Variants in TTC12 observed in about 807,000 individuals in gnomAD.
The protein encoded by TTC12 is tetratricopeptide repeat protein 12.
Under a neutral mutation model 90.1 loss-of-function variants are expected in TTC12, and 70 were observed. The observed-to-expected ratio is 0.78, with a 90% CI of 0.64 to 0.95. TTC12 has a LOEUF of 0.95. Among genes scored for constraint, TTC12 ranks in the 40% least tolerant of loss-of-function variants. The probability of loss-of-function intolerance (pLI) is 0.00; values close to 1 mark genes in which losing one functional copy is unlikely to be tolerated. For missense variants in TTC12, 819 were observed against 846.1 expected (o/e 0.97, Z 0.40); for synonymous variants, 296 against 311.5 (o/e 0.95, Z 0.53).
chr11:113,370,865 C>T (rs1286243462), downstream of TTC12, among the ~76,000 whole-genome samples: 1 of 152,210 alleles, frequency 6.6e-6, no homozygotes, highest in Non-Finnish European at 1.5e-5. Context: ...TCCATTGTCA[C>T]ATCTGTCCCC....
chr11:113,361,721 C>G (rs577883600), intron 18 of TTC12, among the ~76,000 whole-genome samples: 1 of 152,148 alleles, frequency 6.6e-6, no homozygotes, highest in African/African-American at 2.4e-5. Flanking sequence ...ATAGCATGCC[C>G]AAACATATTT....
rs760277015 is a variant in TTC12, at chr11:113,363,797, T to C, written c.1717-31T>C. On this transcript the variant is annotated intron_variant, in intron 19 of 21. Transcript: ENST00000529221. ...GGTCAAGAGCAATCATAGCACTGATTTTATTTTTCTAATTTCATTCTGAAA... is the reference window on the plus strand; with the variant it reads ...GGTCAAGAGCAATCATAGCACTGATCTTATTTTTCTAATTTCATTCTGAAA... 1.2e-5 allele frequency: 18 copies of C among 1,514,062 alleles called. No homozygotes were observed. The South Asian group carries it at 1.8e-4, about 15-fold the overall frequency. 93.8% of individuals were successfully genotyped at this position (1,514,062 alleles called of 1,614,324 possible).
In TTC12 at chr11:113,362,620, G is replaced by T; in HGVS notation, c.1716+118G>T. On this transcript the variant is annotated intron_variant, in intron 19 of 21. Coordinates refer to ENST00000529221, the MANE Select transcript of TTC12 (RefSeq NM_017868.4). ...ATGTGCTGCCATTTCTTCCTTGCTA[G>T]ATTTTAAACTTCTTGGATAGGGATT... 4 of 700,640 alleles carry T rather than the reference G, an allele frequency of 5.7e-6. 1 individual carries two copies. The highest frequency in any genetic ancestry group is 9.9e-6 in the Non-Finnish European group (4 of 405,156). The allele number at this position is 700,640 out of a possible 1,614,324, so 43.4% of individuals were successfully genotyped here. A position where few individuals can be genotyped will look rare whatever the true frequency, so the allele number is the denominator to read the frequency against.
chr11:113,368,811 G>A (rs1950298372), downstream of TTC12: 8 of 376,314 alleles, frequency 2.1e-5, 1 homozygote, highest in South Asian at 7.4e-5. Context: ...TATTAGGTTG[G>A]TGCAAAACTA....
In TTC12 at chr11:113,359,452, T is replaced by C; in HGVS notation, c.1536T>C (p.Phe512=). The change falls in exon 17 of 22, where the codon TTT becomes TTC. Residue 512 remains phenylalanine (F), a synonymous_variant. Transcript: ENST00000529221. ...TGAACCTGTGTCTTCAGGCTCCCTT[T>C]GTCTCTGAGGTATGGCATTCTTGTC... ...LMMNLCLQAP[F]VSEVWAVEVS... 1 of 1,612,116 alleles carries C rather than the reference T, an allele frequency of 6.2e-7. No individual in the cohort carries two copies. The highest frequency in any genetic ancestry group is 1.1e-5 in the South Asian group (1 of 91,008).
At chr11:113,322,032 T>G (rs1294106788) in intron 2 of TTC12, among the ~76,000 whole-genome samples, 1 of 152,156 alleles carries the variant, frequency 6.6e-6, no homozygotes, top group African/African-American at 2.4e-5. Flanking sequence ...AAAATCTAAA[T>G]GATACAAATA....
chr11:113,325,782 G>T, intron 6 of TTC12, 137 bp downstream of exon 6: 1 of 1,134,464 alleles, frequency 8.8e-7, no homozygotes, highest in South Asian at 1.5e-5. Flanking sequence ...TGTGGGAGGA[G>T]CTGACTTATA....
chr11:113,358,538 C>T (rs972978091), intron 16 of TTC12, among the ~76,000 whole-genome samples: 1 of 152,254 alleles, frequency 6.6e-6, no homozygotes, highest in Non-Finnish European at 1.5e-5. Flanking sequence ...GTTGGACTGG[C>T]CCTGTTTGAT....
chr11:113,366,228 T>C lies in TTC12; in HGVS notation c.2046T>C (p.Phe682=). ...TTGTTTGTTTTGATTGTGACAGATT[T>C]GCTGCTCAACTGAGAAAGCTTCATG... ...LGKLCTAEPR[F]AAQLRKLHGL... Residue 682 remains phenylalanine (F), a synonymous_variant, in exon 22 of 22, where the codon TTT becomes TTC. Coordinates refer to ENST00000529221, the MANE Select transcript of TTC12 (RefSeq NM_017868.4). 1 of 1,613,228 alleles carries C rather than the reference T, an allele frequency of 6.2e-7. No individual in the cohort carries two copies. Among genetic ancestry groups the C allele is most frequent in the Non-Finnish European group, 8.5e-7 (1 of 1,180,024 alleles).
At chr11:113,326,052 C>T (rs1420748795) in intron 6 of TTC12, among the ~76,000 whole-genome samples, 1 of 152,176 alleles carries the variant, frequency 6.6e-6, no homozygotes, top group Admixed American at 6.5e-5. Context: ...AGTCTTAACT[C>T]CTAGCGGATG....
intron 1 of TTC12, chr11:113,315,906 A>G (rs926988213): frequency 2.2e-5 from 4 of 184,776 alleles, no homozygotes; most frequent in African/African-American, 4.7e-5. Context: ...GTATTTCTCT[A>G]TCCTTGGCAA....
chr11:113,326,595 A>G (rs1947709681), intron 6 of TTC12, among the ~76,000 whole-genome samples: 1 of 152,208 alleles, frequency 6.6e-6, no homozygotes. Flanking sequence ...AAGCCGAAAC[A>G]TATGGGGAGT....
At chr11:113,338,001 C>T (rs1801048842) in intron 8 of TTC12, among the ~76,000 whole-genome samples, 1 of 152,096 alleles carries the variant, frequency 6.6e-6, no homozygotes, top group African/African-American at 2.4e-5. Flanking sequence ...TATTGTTTTC[C>T]TTCAGTTTGT....
chr11:113,356,376 C>A (rs1023406740), intron 16 of TTC12, among the ~76,000 whole-genome samples: 1 of 152,144 alleles, frequency 6.6e-6, no homozygotes, highest in Non-Finnish European at 1.5e-5. Flanking sequence ...ACCAGTGGAT[C>A]GTGGTTCTTT....
At chr11:113,317,929 C>T (rs1947048341) in intron 2 of TTC12, among the ~76,000 whole-genome samples, 1 of 152,196 alleles carries the variant, frequency 6.6e-6, no homozygotes. Flanking sequence ...ACTATGGTAG[C>T]AACTAGCCAC....
intron 8 of TTC12, 139 bp from the exon 9 acceptor site, chr11:113,338,635 C>G (rs1156998117): frequency 1.7e-6 from 1 of 589,568 alleles, no homozygotes; most frequent in Non-Finnish European, 3.0e-6. Context: ...ACATTGTGTT[C>G]CTATGCCTGT....
At chr11:113,317,685 C>G (rs1947029032) in intron 2 of TTC12, among the ~76,000 whole-genome samples, 1 of 152,112 alleles carries the variant, frequency 6.6e-6, no homozygotes, top group South Asian at 2.1e-4. Flanking sequence ...GTCCTTACCT[C>G]TCTCATATCT....
Position 113,341,962 on chromosome 11 carries a change from C to T in TTC12, c.985+37C>T, listed in dbSNP as rs184205893. ...TAATCACCGTTGATCACCATTAATGCGCTGCGTGCAGGAACTACGCTGTTG... is the reference window on the plus strand; with the variant it reads ...TAATCACCGTTGATCACCATTAATGTGCTGCGTGCAGGAACTACGCTGTTG... On this transcript the variant is annotated intron_variant, in intron 12 of 21. Coordinates refer to ENST00000529221, the MANE Select transcript of TTC12 (RefSeq NM_017868.4). 507 of 1,555,192 alleles carry T rather than the reference C, an allele frequency of 3.3e-4. 1 individual carries two copies. Among genetic ancestry groups the T allele is most frequent in the African/African-American group, 7.3e-4 (54 of 73,934 alleles).
intron 15 of TTC12, among the ~76,000 whole-genome samples, 181 bp downstream of exon 15, chr11:113,351,480 G>A (rs1221130036): frequency 6.6e-6 from 1 of 152,240 alleles, no homozygotes; most frequent in African/African-American, 2.4e-5. Context: ...ACAGGTGGAG[G>A]TGGCATATGG....
Sources: gnomAD v4.1 joint callset for allele counts (sites outside exome capture counted in the v4.1 genomes callset) on GRCh38, gnomAD v4.1.1 for gene constraint, MANE v1.5 for transcripts, NCBI Gene and HGNC (gene_info 2026-07-23, HGNC 2026-07-21) for gene names.